The following HIF1A variants were observed in gnomAD, a reference collection of about 807,000 sequenced individuals.
HIF1A encodes the protein hypoxia-inducible factor 1-alpha.
HIF1A carries 24 observed loss-of-function variants against 92.7 expected under a neutral mutation model. The observed-to-expected ratio is 0.26, with a 90% CI of 0.19 to 0.36. The LOEUF is 0.36. Among genes scored for constraint, HIF1A ranks in the 10% least tolerant of loss-of-function variants. The pLI is 1.00. For synonymous variants in HIF1A, 319 were observed against 338.7 expected (o/e 0.94, Z 0.64); for missense variants, 799 against 998.5 (o/e 0.80, Z 2.69).
At chr14:61,715,037 GA>G (rs112318692) in intron 1 of HIF1A, among the ~76,000 whole-genome samples, 3,275 of 143,376 alleles carry the variant, frequency 0.023, 46 homozygotes, top group African/African-American at 0.036. Flanking sequence ...GCCGTCTCAG[GA>G]AAAAAAAAAA....
intron 1 of HIF1A, among the ~76,000 whole-genome samples, chr14:61,714,906 C>T (rs1229301274): frequency 6.6e-5 from 10 of 152,028 alleles, no homozygotes; most frequent in Admixed American, 1.3e-4. Flanking sequence ...TGGTGGCACA[C>T]GCCTGTAATC....
intron 4 of HIF1A, 119 bp from the exon 5 acceptor site, chr14:61,726,587 A>T (rs1451006409): frequency 3.4e-6 from 2 of 589,676 alleles, no homozygotes; most frequent in Non-Finnish European, 6.0e-6. Flanking sequence ...TACTGTGTTC[A>T]TGCTGAGACT....
intron 1 of HIF1A, chr14:61,717,090 A>T (rs1396229232): frequency 1.3e-5 from 2 of 152,234 alleles, no homozygotes; most frequent in Non-Finnish European, 2.9e-5. Context: ...TGGAAAATGT[A>T]CTTCTTTCTG....
intron 1 of HIF1A, among the ~76,000 whole-genome samples, chr14:61,716,134 C>T (rs2044360792): frequency 4.6e-5 from 7 of 152,014 alleles, no homozygotes; most frequent in Admixed American, 4.6e-4. Flanking sequence ...TAATTCTCAC[C>T]TATCAGCTCA....
At chr14:61,714,115 T>C (rs1422796459) in intron 1 of HIF1A, among the ~76,000 whole-genome samples, 1 of 152,178 alleles carries the variant, frequency 6.6e-6, no homozygotes, top group Non-Finnish European at 1.5e-5. Context: ...CTGAGCACAT[T>C]GTGAAATATA....
intron 1 of HIF1A, among the ~76,000 whole-genome samples, chr14:61,696,334 C>T (rs183206454): frequency 6.6e-6 from 1 of 152,248 alleles, no homozygotes; most frequent in Non-Finnish European, 1.5e-5. Context: ...TCCTGGCTTT[C>T]CAGTGGACTT....
At position 61,716,203 on chromosome 14, in the gene HIF1A, G is replaced by A. The variant is rs950992143; in HGVS notation, c.36-4179G>A. ...ATATAATATTGCAGAGTGCATGGGG[G>A]AATTGATATACACATTCATGAACTG... On this transcript the variant is annotated intron_variant, in intron 1 of 14. Transcript: ENST00000337138. 3.0e-5 allele frequency among the ~76,000 whole-genome samples: 3 copies of A among 100,520 alleles called. No individual in the cohort carries two copies. The East Asian group carries it at 8.4e-4, about 28-fold the overall frequency. 65.9% of individuals were successfully genotyped at this position (100,520 alleles called of 152,430 possible). A position where few individuals can be genotyped will look rare whatever the true frequency, so the allele number is the denominator to read the frequency against.
intron 6 of HIF1A, among the ~76,000 whole-genome samples, chr14:61,729,648 G>C (rs2044550975): frequency 6.6e-6 from 1 of 152,172 alleles, no homozygotes; most frequent in South Asian, 2.1e-4. Context: ...TGATGGGACA[G>C]AGATTTCCAT....
At position 61,738,323 on chromosome 14, in the gene HIF1A, G is replaced by A; in HGVS notation, c.1486G>A (p.Asp496Asn). ...TTCTTTTACCATGCCCCAGATTCAG[G>A]ATCAGACACCTAGTCCTTCCGATGG... is the stretch of plus-strand genomic sequence containing the variant. ...ELSFTMPQIQ[D>N]QTPSPSDGST... Residue 496 changes from aspartate (D) to asparagine (N), a missense_variant, in exon 10 of 15, where the codon GAT becomes AAT. Physicochemically the swap from Asp to Asn is conservative, Grantham distance 23 (BLOSUM62 1). Coordinates refer to ENST00000337138, the MANE Select transcript of HIF1A (RefSeq NM_001530.4). 6.2e-7 allele frequency: 1 copy of A among 1,613,996 alleles called. No individual in the cohort carries two copies. The highest frequency in any genetic ancestry group is 2.2e-5 in the East Asian group (1 of 44,878).
intron 1 of HIF1A, among the ~76,000 whole-genome samples, chr14:61,701,815 C>G (rs1437678987): frequency 6.6e-6 from 1 of 151,888 alleles, no homozygotes; most frequent in Non-Finnish European, 1.5e-5. Context: ...TGGTGAAACC[C>G]CATCTCTACT....
chr14:61,720,493 T>C lies in HIF1A; in HGVS notation c.147T>C (p.Asn49=). The change falls in exon 2 of 15, where the codon AAT becomes AAC. Residue 49 remains asparagine (N), a synonymous_variant. Transcript: ENST00000337138. ...ELAHQLPLPH[N]VSSHLDKASV... The stretch of plus-strand genomic sequence containing the variant: ...CTCATCAGTTGCCACTTCCACATAA[T>C]GTGAGTTCGCATCTTGATAAGGCCT... 6.2e-7 allele frequency: 1 copy of C among 1,613,670 alleles called. No individual in the cohort carries two copies. Among genetic ancestry groups the C allele is most frequent in the Non-Finnish European group, 8.5e-7 (1 of 1,179,762 alleles).
At chr14:61,713,789 G>A (rs935973595) in intron 1 of HIF1A, among the ~76,000 whole-genome samples, 1 of 152,220 alleles carries the variant, frequency 6.6e-6, no homozygotes, top group Non-Finnish European at 1.5e-5. Context: ...CTGTCAGTCA[G>A]AAGTTCCTGA....
chr14:61,709,469 A>C (rs1334936062), intron 1 of HIF1A, among the ~76,000 whole-genome samples: 1 of 152,126 alleles, frequency 6.6e-6, no homozygotes, highest in East Asian at 1.9e-4. Flanking sequence ...CTCCAATGTA[A>C]AACAGTGATT....
intron 1 of HIF1A, among the ~76,000 whole-genome samples, chr14:61,716,555 C>G (rs1280111211): frequency 1.3e-5 from 2 of 151,984 alleles, no homozygotes; most frequent in Non-Finnish European, 2.9e-5. Flanking sequence ...TTGTGCAATA[C>G]GAAAAGATGA....
At chr14:61,714,311 C>G (rs2044339560) in intron 1 of HIF1A, among the ~76,000 whole-genome samples, 1 of 152,186 alleles carries the variant, frequency 6.6e-6, no homozygotes, top group Non-Finnish European at 1.5e-5. Flanking sequence ...ACTGAATTCT[C>G]TTATGGAAAT....
intron 1 of HIF1A, among the ~76,000 whole-genome samples, chr14:61,713,956 T>A (rs2044335623): frequency 6.6e-6 from 1 of 152,180 alleles, no homozygotes; most frequent in Non-Finnish European, 1.5e-5. Flanking sequence ...AGAGAACCCC[T>A]CCTCTCCCGA....
At chr14:61,696,999 G>C (rs1336543209) in intron 1 of HIF1A, among the ~76,000 whole-genome samples, 1 of 152,112 alleles carries the variant, frequency 6.6e-6, no homozygotes, top group Non-Finnish European at 1.5e-5. Context: ...TGCCCACTTT[G>C]GCATTTTAAC....
intron 1 of HIF1A, chr14:61,697,959 G>A: frequency 1.4e-6 from 2 of 1,471,664 alleles, no homozygotes; most frequent in Non-Finnish European, 1.8e-6. Flanking sequence ...AAATGGGTAT[G>A]GTTATGATAC....
In HIF1A at chr14:61,745,718, C is replaced by T. The variant is rs758447703; in HGVS notation, c.2230C>T (p.His744Tyr). Residue 744 changes from histidine (H) to tyrosine (Y), a missense_variant, in exon 14 of 15, where the codon CAT becomes TAT. His to Tyr is a moderately conservative substitution (Grantham distance 83). This residue lies in a region of HIF1A where 283 missense variants were observed against 277.5 expected (regional missense o/e 1.02). Coordinates refer to ENST00000337138, the MANE Select transcript of HIF1A (RefSeq NM_001530.4). ...IGTLLQQPDD[H>Y]AATTSLSWKR... ...AACATTATTACAGCAGCCAGACGAT[C>T]ATGCAGCTACTACATCACTTTCTTG... is the stretch of plus-strand genomic sequence containing the variant. 1.2e-5 allele frequency: 20 copies of T among 1,612,912 alleles called. No individual in the cohort carries two copies. In the South Asian group the frequency reaches 2.2e-4, roughly 18 times the overall value.
Sources: gnomAD v4.1 joint callset for allele counts (sites outside exome capture counted in the v4.1 genomes callset) on GRCh38, gnomAD v4.1.1 for gene constraint, gnomAD v4.1.1 regional missense constraint, MANE v1.5 for transcripts, NCBI Gene and HGNC (gene_info 2026-07-23, HGNC 2026-07-21) for gene names.